The following FREM1 variants were observed in gnomAD, a reference collection of about 807,000 sequenced individuals.
FREM1 encodes FRAS1-related extracellular matrix protein 1.
FREM1 carries 220 observed loss-of-function variants against 210.1 expected under a neutral mutation model. The ratio of observed to expected loss-of-function variants is 1.05; its 90% CI spans 0.94 to 1.17. FREM1 has a LOEUF of 1.17. Among genes scored for constraint, FREM1 ranks in the 50% most tolerant of loss-of-function variants. The pLI is 0.00. For synonymous variants in FREM1, 1,189 were observed against 980.2 expected, an observed-to-expected ratio of 1.21 and a Z score of -3.98; for missense variants, 3,454 against 2,675.5, an observed-to-expected ratio of 1.29 and a Z score of -6.42.
At chr9:14,782,306 A>G in intron 24 of FREM1, 1 of 934,672 alleles carries the variant, frequency 1.1e-6, no homozygotes, top group Non-Finnish European at 1.3e-6. Context: ...GGAAATTTTT[A>G]CAGTATTGCC....
At chr9:14,796,234 C>G (rs1852357976) in intron 21 of FREM1, among the ~76,000 whole-genome samples, 1 of 152,112 alleles carries the variant, frequency 6.6e-6, no homozygotes, top group South Asian at 2.1e-4. Flanking sequence ...GGTTTGGGTG[C>G]TTTCAGTAAG....
chr9:14,888,422 G>A (rs904324762), intron 1 of FREM1, among the ~76,000 whole-genome samples: 6 of 152,136 alleles, frequency 3.9e-5, no homozygotes, highest in Admixed American at 3.9e-4. Flanking sequence ...ATAGTATGCA[G>A]GAAATTTAAC....
At chr9:14,862,927 A>G (rs980769754) in intron 3 of FREM1, among the ~76,000 whole-genome samples, 1 of 152,150 alleles carries the variant, frequency 6.6e-6, no homozygotes, top group Non-Finnish European at 1.5e-5. Context: ...ATAATGTTGC[A>G]TTGAACTTTA....
chr9:14,785,534 T>C (rs1850286265), intron 23 of FREM1, among the ~76,000 whole-genome samples: 1 of 152,106 alleles, frequency 6.6e-6, no homozygotes. Flanking sequence ...TGCAAACAAC[T>C]CAAGTGCCTC....
intron 17 of FREM1, among the ~76,000 whole-genome samples, chr9:14,807,398 T>C (rs1453347395): frequency 1.3e-5 from 2 of 152,114 alleles, no homozygotes; most frequent in Admixed American, 1.3e-4. Flanking sequence ...TGGGAGGTAG[T>C]TTGCAAATTA....
chr9:14,762,189 G>T (rs1388570173), intron 27 of FREM1, among the ~76,000 whole-genome samples: 1 of 151,052 alleles, frequency 6.6e-6, no homozygotes, highest in Non-Finnish European at 1.5e-5. Flanking sequence ...AGTTGAATGA[G>T]AAAGAAAAAA....
At chr9:14,884,040 C>A (rs1411255242) in intron 1 of FREM1, among the ~76,000 whole-genome samples, 1 of 152,130 alleles carries the variant, frequency 6.6e-6, no homozygotes, top group Non-Finnish European at 1.5e-5. Context: ...CCCAGCCTGA[C>A]TAACACGGCG....
intron 14 of FREM1, among the ~76,000 whole-genome samples, chr9:14,817,990 GA>G (rs1330007507): frequency 6.6e-6 from 1 of 152,184 alleles, no homozygotes; most frequent in Non-Finnish European, 1.5e-5. Flanking sequence ...AGGATGACTG[GA>G]GTCAAACAGA....
chr9:14,871,339 T>C (rs1462706596), intron 1 of FREM1, among the ~76,000 whole-genome samples: 5 of 152,336 alleles, frequency 3.3e-5, no homozygotes, highest in African/African-American at 7.2e-5. Context: ...TTTTTAGTGA[T>C]TGCCATTCTA....
In FREM1 at chr9:14,775,958, A is replaced by T. The variant is rs1407649240; in HGVS notation, c.4688T>A (p.Leu1563His). Residue 1563 changes from leucine to histidine, a missense_variant, in exon 25 of 37, where the codon CTT (leucine) becomes CAT (histidine). Physicochemically the swap from Leu to His is moderately conservative, Grantham distance 99 (BLOSUM62 -3). Coordinates refer to ENST00000380880, the MANE Select transcript of FREM1 (RefSeq NM_001379081.2). ...GQLYLWGTGL[L>H]QHNFTQQDVD... ...ATCCTGCTGGGTGAAATTGTGTTGA[A>T]GTAGCCCTGTCCCCCACAGGTAGAG... The T allele has an allele frequency of 6.2e-7, 1 of 1,613,872 alleles. No homozygotes were observed. The highest frequency in any genetic ancestry group is 1.3e-5 in the African/African-American group (1 of 74,930).
At chr9:14,891,006 C>T (rs1836721176) in intron 1 of FREM1, among the ~76,000 whole-genome samples, 1 of 152,180 alleles carries the variant, frequency 6.6e-6, no homozygotes, top group African/African-American at 2.4e-5. Flanking sequence ...TCACATTCAT[C>T]ATGGTGTGCC....
chr9:14,784,551 C>T lies in FREM1; in HGVS notation c.4261G>A (p.Asp1421Asn), dbSNP rs1011491774. 12 of 1,613,456 alleles carry T rather than the reference C, an allele frequency of 7.4e-6. No homozygotes were observed. The South Asian group carries it at 1.2e-4, about 16-fold the overall frequency. The change falls in exon 24 of 37, where the codon GAC (aspartate) becomes AAC (asparagine). Residue 1421 changes from aspartate to asparagine, a missense_variant. Transcript: ENST00000380880. ...AGTTCCTCAGGCTTGTCTGTTCCGTCCACAGCCAGGAGCGTGGTGGTTGTT... is the reference window on the plus strand; with the variant it reads ...AGTTCCTCAGGCTTGTCTGTTCCGTTCACAGCCAGGAGCGTGGTGGTTGTT... ...FLTTTTLLAV[D>N]GTDKPEELLY...
chr9:14,801,385 A>G (rs747543254), intron 20 of FREM1, among the ~76,000 whole-genome samples: 1 of 152,166 alleles, frequency 6.6e-6, no homozygotes, highest in Non-Finnish European at 1.5e-5. Flanking sequence ...CTTAAAATCT[A>G]CTGTCTTAGG....
At chr9:14,885,605 G>A (rs1219107908) in intron 1 of FREM1, among the ~76,000 whole-genome samples, 1 of 152,072 alleles carries the variant, frequency 6.6e-6, no homozygotes, top group Non-Finnish European at 1.5e-5. Flanking sequence ...AATTTTCATA[G>A]GGATGGGAGT....
chr9:14,890,576 G>A (rs1291970930), intron 1 of FREM1, among the ~76,000 whole-genome samples: 2 of 152,112 alleles, frequency 1.3e-5, no homozygotes, highest in African/African-American at 4.8e-5. Flanking sequence ...AACAAAACGG[G>A]TTCTTTGAGA....
At chr9:14,774,302 A>G in intron 25 of FREM1, 1 of 400,356 alleles carries the variant, frequency 2.5e-6, no homozygotes, top group South Asian at 2.0e-5. Context: ...TCCATAATGC[A>G]AGTGGGCTTC....
chr9:14,755,549 C>T (rs1844183958), intron 29 of FREM1, among the ~76,000 whole-genome samples: 1 of 152,204 alleles, frequency 6.6e-6, no homozygotes, highest in Non-Finnish European at 1.5e-5. Flanking sequence ...GAGTGGCATG[C>T]AGTGAGTGAG....
rs774099751 is a variant in FREM1, at chr9:14,868,865, T to G, written c.113A>C (p.His38Pro). ...GTCATCTCCTGACAGGAAGGCAGAG[T>G]GGCCCTTCATCACCCTCACCCCGCG... ...INRGVRVMKGHSAFLSGDDLK... is the reference protein window; with the variant it reads ...INRGVRVMKGPSAFLSGDDLK... The change falls in exon 2 of 37, where the codon CAC becomes CCC. Residue 38 changes from histidine to proline, a missense_variant. By Grantham distance (77) the His-to-Pro change is moderately conservative. Coordinates refer to ENST00000380880, the MANE Select transcript of FREM1 (RefSeq NM_001379081.2). The G allele has an allele frequency of 6.2e-7, 1 of 1,608,880 alleles. No homozygotes were observed. The highest frequency in any genetic ancestry group is 8.5e-7 in the Non-Finnish European group (1 of 1,177,654).
In FREM1 at chr9:14,791,848, T is replaced by TGTTTTGTTTC. The variant is rs1554664923; in HGVS notation, c.3981+894_3981+895insGAAACAAAAC. Among the ~76,000 whole-genome samples the TGTTTTGTTTC allele has an allele frequency of 1.6e-3, 236 of 151,992 alleles. 21 individuals are homozygous for TGTTTTGTTTC. The highest frequency in any genetic ancestry group is 4.0e-3 in the South Asian group (19 of 4,800). On this transcript the variant is annotated intron_variant, in intron 22 of 36. Coordinates refer to ENST00000380880, the MANE Select transcript of FREM1 (RefSeq NM_001379081.2). ...TGTTTTGTTTTGTTTTGTTTTGTTT[T>TGTTTTGTTTC]TTAAGACGGAGTCTTGCTCTGTCAC...
Sources: allele counts gnomAD v4.1 joint callset (sites outside exome capture counted in the v4.1 genomes callset), GRCh38; gene constraint gnomAD v4.1.1; transcripts MANE v1.5; gene names NCBI Gene and HGNC (gene_info 2026-07-23, HGNC 2026-07-21).